KIF26A: variants seen among roughly 807,000 people sequenced by gnomAD.
KIF26A encodes kinesin-like protein KIF26A.
Under a neutral mutation model 126.0 loss-of-function variants are expected in KIF26A, and 74 were observed. The observed-to-expected ratio is 0.59, with a 90% CI of 0.49 to 0.71. The LOEUF (loss-of-function observed/expected upper bound fraction) is 0.71, where lower values mean the gene tolerates loss of function less well. KIF26A is among the 30% of genes least tolerant of loss of function. KIF26A has a pLI of 0.00. For missense variants in KIF26A, 2,984 were observed against 2,763.3 expected, an observed-to-expected ratio of 1.08 and a Z score of -1.79; for synonymous variants, 1,445 against 1,232.7, an observed-to-expected ratio of 1.17 and a Z score of -3.61.
chr14:104,173,858 G>A lies in KIF26A; in HGVS notation c.2020G>A (p.Val674Met). The change falls in exon 10 of 15, where the codon GTG (valine) becomes ATG (methionine). Residue 674 changes from valine to methionine, a missense_variant. Val to Met is a conservative substitution (Grantham distance 21). Coordinates refer to ENST00000423312, the MANE Select transcript of KIF26A (RefSeq NM_015656.2). ...GGCCCTGGTCAACGGAGCCAAGCAT[G>A]TGCCGTATCGGTGAGTGTAGGGCCT... ...ILALVNGAKH[V>M]PYRDHRLTML... The A allele has an allele frequency of 6.3e-7, 1 of 1,593,350 alleles. No individual in the cohort carries two copies. Among genetic ancestry groups the A allele is most frequent in the Non-Finnish European group, 8.5e-7 (1 of 1,175,364 alleles).
In KIF26A at chr14:104,177,372, C is replaced by A; in HGVS notation, c.4584C>A (p.Gly1528=). The A allele has an allele frequency of 6.7e-7, 1 of 1,484,356 alleles. No homozygotes were observed. The highest frequency in any genetic ancestry group is 1.3e-5 in the South Asian group (1 of 74,406). The allele number at this position is 1,484,356 out of a possible 1,614,324, so 91.9% of individuals were successfully genotyped here. ...CCTCTGTGACGGGCAGGAGCCCTGG[C>A]GGCCCTGTGGCCGGTCCCAGAGCAG... The part of the protein sequence containing the change: ...STASVTGRSP[G]GPVAGPRAAP... The change falls in exon 12 of 15, where the codon GGC becomes GGA. Residue 1528 remains glycine (G), a synonymous_variant. Transcript: ENST00000423312.
intron 12 of KIF26A, 83 bp from the exon 13 acceptor site, chr14:104,178,450 TCCCTGTCAGGACTCGGG>T: frequency 1.1e-6 from 1 of 903,770 alleles, no homozygotes. Flanking sequence ...CCCGAAGGCC[TCCCTGTCAGGACTCGGG>T]CCGGCTCCGC....
chr14:104,171,780 A>C lies in KIF26A; in HGVS notation c.1171A>C (p.Met391Leu). 1 of 1,578,238 alleles carries C rather than the reference A, an allele frequency of 6.3e-7. No homozygotes were observed. The highest frequency in any genetic ancestry group is 8.6e-7 in the Non-Finnish European group (1 of 1,163,004). Residue 391 changes from methionine (M) to leucine (L), a missense_variant, in exon 6 of 15, where the codon ATG becomes CTG. Coordinates refer to ENST00000423312, the MANE Select transcript of KIF26A (RefSeq NM_015656.2). ...GGGGGCCCAGCGCTCGGCCGAGGCCATGTCCTTCCTGAAGGTGGACCCTCG... is the reference window on the plus strand; with the variant it reads ...GGGGGCCCAGCGCTCGGCCGAGGCCCTGTCCTTCCTGAAGGTGGACCCTCG... ...AQGAQRSAEA[M>L]SFLKVDPRKK...
Position 104,175,768 on chromosome 14 carries a change from C to G in KIF26A, c.2980C>G (p.Leu994Val). 6.5e-7 allele frequency: 1 copy of G among 1,537,576 alleles called. No homozygotes were observed. Residue 994 changes from leucine (L) to valine (V), a missense_variant, in exon 12 of 15, where the codon CTT (leucine) becomes GTT (valine). Leu to Val is a conservative substitution (Grantham distance 32). Transcript: ENST00000423312. ...MSGQVAGSPM[L>V]PGATCPRLAA... is the part of the protein sequence containing the mutation. ...TGGGCAGGTGGCTGGGTCCCCGATG[C>G]TTCCTGGGGCCACCTGCCCCCGCCT...
chr14:104,164,557 C>T (rs2037862753), intron 4 of KIF26A, among the ~76,000 whole-genome samples: 1 of 152,110 alleles, frequency 6.6e-6, no homozygotes, highest in East Asian at 1.9e-4. Flanking sequence ...AGAAGCCACC[C>T]CAGGGAATGA....
intron 2 of KIF26A, among the ~76,000 whole-genome samples, chr14:104,144,125 C>T (rs1334050779): frequency 1.3e-5 from 2 of 152,146 alleles, no homozygotes; most frequent in Non-Finnish European, 2.9e-5. Context: ...TGTGGTTCAG[C>T]ATGTGATGGG....
chr14:104,178,561 C>T lies in KIF26A; in HGVS notation c.5122C>T (p.Arg1708Trp), dbSNP rs373371429. ...PKKRATGLQR[R>W]RLIPAPLPDT... Reference sequence around the variant, plus strand: ...GCTCTCCGTTCCAGGTCTGCAGCGGCGGCGCCTGATTCCCGCCCCACTGCC... The same window carrying T: ...GCTCTCCGTTCCAGGTCTGCAGCGGTGGCGCCTGATTCCCGCCCCACTGCC... Residue 1708 changes from arginine to tryptophan, a missense_variant, in exon 13 of 15, where the codon CGG becomes TGG. Transcript: ENST00000423312. The T allele has an allele frequency of 7.2e-5, 106 of 1,472,044 alleles. No individual in the cohort carries two copies. The highest frequency in any genetic ancestry group is 1.3e-4 in the African/African-American group (9 of 70,096). The allele number at this position is 1,472,044 out of a possible 1,614,324, so 91.2% of individuals were successfully genotyped here. A position where few individuals can be genotyped will look rare whatever the true frequency, so the allele number is the denominator to read the frequency against.
At chr14:104,142,423 C>CGGCCCCCTGTGGCCT (rs1392636580) in intron 2 of KIF26A, among the ~76,000 whole-genome samples, 29 of 130,732 alleles carry the variant, frequency 2.2e-4, no homozygotes, top group African/African-American at 6.8e-4. Flanking sequence ...TGGCCTGGAG[C>CGGCCCCCTGTGGCCT]GGCCCCCTGT....
At chr14:104,157,392 G>A (rs1000279483) in intron 3 of KIF26A, among the ~76,000 whole-genome samples, 7 of 152,146 alleles carry the variant, frequency 4.6e-5, no homozygotes, top group Admixed American at 1.3e-4. Context: ...TGTGTCCATC[G>A]GTCTTGACCA....
rs370306538 is a variant in KIF26A, at chr14:104,173,362, G to A, written c.1716G>A (p.Thr572=). The change falls in exon 9 of 15, where the codon ACG becomes ACA. Residue 572 remains threonine, a synonymous_variant. Transcript: ENST00000423312. ...LQNQSELRAP[T]AEKAAFYLDA... Reference sequence around the variant, plus strand: ...ACCAAAGCGAGCTGCGGGCACCCACGGCCGAGAAGGCGGCTTTCTACCTGG... The same window carrying A: ...ACCAAAGCGAGCTGCGGGCACCCACAGCCGAGAAGGCGGCTTTCTACCTGG... 667 of 1,598,170 alleles carry A rather than the reference G, an allele frequency of 4.2e-4. 5 individuals carry two copies. The East Asian group carries it at 8.5e-3, about 20-fold the overall frequency.
At position 104,178,559 on chromosome 14, in the gene KIF26A, G is replaced by A. The variant is rs760560730; in HGVS notation, c.5120G>A (p.Arg1707Gln). Residue 1707 changes from arginine to glutamine, a missense_variant, in exon 13 of 15, where the codon CGG becomes CAG. Transcript: ENST00000423312. ...SPKKRATGLQ[R>Q]RRLIPAPLPD... is the part of the protein sequence containing the mutation. ...CGGCTCTCCGTTCCAGGTCTGCAGC[G>A]GCGGCGCCTGATTCCCGCCCCACTG... is the stretch of plus-strand genomic sequence containing the variant. The A allele has an allele frequency of 6.1e-6, 9 of 1,470,054 alleles. No homozygotes were observed. The South Asian group carries it at 6.8e-5, about 11-fold the overall frequency. 91.1% of individuals were successfully genotyped at this position (1,470,054 alleles called of 1,614,324 possible).
intron 9 of KIF26A, 79 bp downstream of exon 9, chr14:104,173,592 G>A (rs1193515029): frequency 6.6e-7 from 1 of 1,506,496 alleles, no homozygotes; most frequent in African/African-American, 1.4e-5. Context: ...CTGTCATCCA[G>A]TGGCTCCTGG....
chr14:104,145,603 C>T (rs900271704), intron 2 of KIF26A, among the ~76,000 whole-genome samples: 1 of 59,344 alleles, frequency 1.7e-5, no homozygotes, highest in Non-Finnish European at 3.1e-5. Flanking sequence ...GAGCTTTGGC[C>T]TCTGTTTCTG....
intron 2 of KIF26A, among the ~76,000 whole-genome samples, chr14:104,150,928 C>A (rs2037723549): frequency 6.6e-6 from 1 of 152,106 alleles, no homozygotes; most frequent in African/African-American, 2.4e-5. Flanking sequence ...GCTGAGACAC[C>A]CCTTGGGGAG....
rs567143855 is a variant in KIF26A at position 104,179,416 on chromosome 14, C to CA, written c.5467+30_5467+31insA. On this transcript the variant is annotated intron_variant, in intron 14 of 14. Transcript: ENST00000423312. Reference sequence around the variant, plus strand: ...GTCCCGCCCGCCCACGGACCCAGCCCGGCCCACCGTGTGCCCTGACAGCTG... The same window carrying CA: ...GTCCCGCCCGCCCACGGACCCAGCCCAGGCCCACCGTGTGCCCTGACAGCTG... 611 of 1,470,116 alleles carry CA rather than the reference C, an allele frequency of 4.2e-4. 1 individual carries two copies. Among genetic ancestry groups the CA allele is most frequent in the South Asian group, 2.8e-3 (203 of 73,348 alleles). 91.1% of individuals were successfully genotyped at this position (1,470,116 alleles called of 1,614,324 possible).
In KIF26A at chr14:104,179,909, G is replaced by C. The variant is rs190523192; in HGVS notation, c.*119G>C. On this transcript the variant is annotated 3_prime_UTR_variant, in exon 15 of 15. Transcript: ENST00000423312. Reference sequence around the variant, plus strand: ...ATGCGGAGGGGTTTCTGTGCAGGACGGGAGTCTCAGAGAGGAGACGGAGTG... The same window carrying C: ...ATGCGGAGGGGTTTCTGTGCAGGACCGGAGTCTCAGAGAGGAGACGGAGTG... The C allele has an allele frequency of 9.2e-7, 1 of 1,087,462 alleles. No individual in the cohort carries two copies. Among genetic ancestry groups the C allele is most frequent in the Non-Finnish European group, 1.3e-6 (1 of 785,618 alleles). 67.4% of individuals were successfully genotyped at this position (1,087,462 alleles called of 1,614,324 possible).
chr14:104,163,125 C>T (rs2037848454), intron 4 of KIF26A, among the ~76,000 whole-genome samples: 1 of 152,154 alleles, frequency 6.6e-6, no homozygotes, highest in African/African-American at 2.4e-5. Flanking sequence ...GAGGCTGAGG[C>T]TGGGGTGGTG....
In KIF26A at chr14:104,171,837, G is replaced by T; in HGVS notation, c.1228G>T (p.Ala410Ser). The change falls in exon 6 of 15, where the codon GCC becomes TCC. Residue 410 changes from alanine to serine, a missense_variant. Physicochemically the swap from Ala to Ser is moderately conservative, Grantham distance 99. Coordinates refer to ENST00000423312, the MANE Select transcript of KIF26A (RefSeq NM_015656.2). ...GCAGGTGATCCTCTACGATCCCGCC[G>T]CCGGTCCCCCAGGCAGCGCAGGCCC... is the stretch of plus-strand genomic sequence containing the variant. ...KKQVILYDPA[A>S]GPPGSAGPRR... is the part of the protein sequence containing the mutation. 4 of 1,556,918 alleles carry T rather than the reference G, an allele frequency of 2.6e-6. No individual in the cohort carries two copies. The highest frequency in any genetic ancestry group is 3.5e-6 in the Non-Finnish European group (4 of 1,151,434).
Position 104,173,438 on chromosome 14 carries a change from G to A in KIF26A, c.1792G>A (p.Ala598Thr), listed in dbSNP as rs1343992201. ...CAGCCGAGCGGGCTGTGGCGAGGAC[G>A]CCCGACGCAGCTCCCACATGTTGTT... ...STSRAGCGED[A>T]RRSSHMLFTL... Residue 598 changes from alanine (A) to threonine (T), a missense_variant, in exon 9 of 15, where the codon GCC becomes ACC. Ala to Thr is a moderately conservative substitution (Grantham distance 58). Coordinates refer to ENST00000423312, the MANE Select transcript of KIF26A (RefSeq NM_015656.2). The A allele has an allele frequency of 3.0e-5, 48 of 1,584,966 alleles. No individual in the cohort carries two copies. The highest frequency in any genetic ancestry group is 4.0e-5 in the African/African-American group (3 of 74,324).
Sources: allele counts gnomAD v4.1 joint callset (sites outside exome capture counted in the v4.1 genomes callset), GRCh38; gene constraint gnomAD v4.1.1; transcripts MANE v1.5; gene names NCBI Gene and HGNC (gene_info 2026-07-23, HGNC 2026-07-21).